CELF6: variants seen among roughly 807,000 people sequenced by gnomAD.
CELF6 encodes CUGBP Elav-like family member 6.
Under a neutral mutation model 53.1 loss-of-function variants are expected in CELF6, and 32 were observed. That is an observed-to-expected ratio of 0.60 (90% CI 0.46 to 0.81). The LOEUF is 0.81. Ranked by LOEUF, CELF6 falls within the 30% of genes least tolerant of loss-of-function variation. CELF6 has a pLI of 0.00. For missense variants in CELF6, 539 were observed against 669.5 expected, an observed-to-expected ratio of 0.81 and a Z score of 2.15; for synonymous variants, 291 against 288.8, an observed-to-expected ratio of 1.01 and a Z score of -0.08.
rs2087953848 is a variant in CELF6, at chr15:72,288,658, C to G, written c.1094-40G>C. On this transcript the variant is annotated intron_variant, in intron 9 of 12. Transcript: ENST00000287202. This position sits in a 1 kb window ranked among gnomAD's most constrained non-coding sequence, Gnocchi z 4.6. ...GGGAGTGGACAGTGATCCCCAGGAG[C>G]CCTTCCCCAAGCAGGGCCCCAACTG... 1.3e-6 allele frequency: 2 copies of G among 1,539,892 alleles called. No homozygotes were observed. Among genetic ancestry groups the G allele is most frequent in the East Asian group, 4.5e-5 (2 of 44,312 alleles).
At chr15:72,316,002 T>A in intron 1 of CELF6, 75 bp from the exon 2 acceptor site, 6 of 1,012,958 alleles carry the variant, frequency 5.9e-6, no homozygotes, top group Non-Finnish European at 8.9e-6. Context: ...CCCACTAAGT[T>A]GACAAACTTA....
chr15:72,296,415 T>C (rs992092291), intron 3 of CELF6, among the ~76,000 whole-genome samples: 1 of 152,116 alleles, frequency 6.6e-6, no homozygotes, highest in African/African-American at 2.4e-5. Context: ...AAGGATCTAT[T>C]GGAGGGCAAA....
chr15:72,304,837 T>G, intron 2 of CELF6, 43 bp from the exon 3 acceptor site: 1 of 1,604,514 alleles, frequency 6.2e-7, no homozygotes, highest in Non-Finnish European at 8.5e-7. Context: ...CGTGACTGCC[T>G]GGTCCTGGAG....
At chr15:72,310,633 G>A (rs2088283057) in intron 2 of CELF6, among the ~76,000 whole-genome samples, 2 of 151,202 alleles carry the variant, frequency 1.3e-5, no homozygotes, top group East Asian at 3.9e-4. Context: ...GGACTACAGG[G>A]GCACACCACC....
intron 3 of CELF6, among the ~76,000 whole-genome samples, chr15:72,304,004 G>A (rs1420653268): frequency 6.6e-6 from 1 of 151,936 alleles, no homozygotes. Context: ...CCGAGTAGCT[G>A]GGATTACAGG....
intron 2 of CELF6, among the ~76,000 whole-genome samples, chr15:72,310,467 C>A (rs2088280636): frequency 6.6e-6 from 1 of 152,040 alleles, no homozygotes; most frequent in Non-Finnish European, 1.5e-5. Flanking sequence ...ACTCAAGCAA[C>A]ACTGCACTAA....
At chr15:72,299,586 C>A (rs2088125642) in intron 3 of CELF6, among the ~76,000 whole-genome samples, 1 of 152,044 alleles carries the variant, frequency 6.6e-6, no homozygotes, top group Non-Finnish European at 1.5e-5. Flanking sequence ...GTCTTGAACT[C>A]CTGAGCTCAG....
chr15:72,312,031 A>C (rs918016200), intron 2 of CELF6, among the ~76,000 whole-genome samples: 2 of 152,190 alleles, frequency 1.3e-5, no homozygotes, highest in African/African-American at 4.8e-5. Context: ...ATGGCTTCCC[A>C]AAGAAAGGGA....
In CELF6 at chr15:72,289,327, GCC is replaced by G. The variant is rs1294701620; in HGVS notation, c.881-42_881-41del. ...GGTCTGAGAGTCAGGCCGCCACCCC[GCC>G]CCGCCCGGCCCCTCCCAGGCGCGCC... On this transcript the variant is annotated intron_variant, in intron 7 of 12. Transcript: ENST00000287202. The surrounding 1 kb of genome is among the most constrained non-coding windows in gnomAD (Gnocchi z 7.6). 6.6e-7 allele frequency: 1 copy of G among 1,525,138 alleles called. No homozygotes were observed. The highest frequency in any genetic ancestry group is 1.4e-5 in the African/African-American group (1 of 72,844). The allele number at this position is 1,525,138 out of a possible 1,614,324, so 94.5% of individuals were successfully genotyped here. A position where few individuals can be genotyped will look rare whatever the true frequency, so the allele number is the denominator to read the frequency against.
intron 2 of CELF6, among the ~76,000 whole-genome samples, chr15:72,307,286 G>A (rs1011795991): frequency 1.3e-5 from 2 of 152,046 alleles, no homozygotes; most frequent in Admixed American, 6.5e-5. Flanking sequence ...AGTGGGCATC[G>A]GGTGGTACAT....
chr15:72,294,550 G>C (rs2088049840), intron 3 of CELF6, among the ~76,000 whole-genome samples: 1 of 152,180 alleles, frequency 6.6e-6, no homozygotes, highest in Non-Finnish European at 1.5e-5. Context: ...CATCAGGAGG[G>C]ACTTAAATTC....
chr15:72,305,118 T>C (rs1328621533), intron 2 of CELF6, among the ~76,000 whole-genome samples: 1 of 152,192 alleles, frequency 6.6e-6, no homozygotes, highest in Admixed American at 6.5e-5. Context: ...TGGACTTACT[T>C]AAAGGCTTTG....
chr15:72,315,827 C>G lies in CELF6; in HGVS notation c.345+18G>C, dbSNP rs763650768. 15 of 1,565,468 alleles carry G rather than the reference C, an allele frequency of 9.6e-6. No homozygotes were observed. In the East Asian group the frequency reaches 3.0e-4, roughly 31 times the overall value. On this transcript the variant is annotated intron_variant, in intron 2 of 12. Transcript: ENST00000287202. ...CCCAGCCTGAGGTGATTCCCACCCC[C>G]CAACCTGGAGGACTTACCCCTGGCA...
chr15:72,311,412 T>C (rs546239002), intron 2 of CELF6, among the ~76,000 whole-genome samples: 67 of 151,268 alleles, frequency 4.4e-4, no homozygotes, highest in Admixed American at 4.4e-3. Flanking sequence ...TTTCTTTTTT[T>C]TTTTTTTTGA....
At position 72,289,344 on chromosome 15, in the gene CELF6, C is replaced by T. The variant is rs1253210324; in HGVS notation, c.880+31G>A. On this transcript the variant is annotated intron_variant, in intron 7 of 12. Transcript: ENST00000287202. This position sits in a 1 kb window ranked among gnomAD's most constrained non-coding sequence, Gnocchi z 7.6. ...GCCACCCCGCCCCGCCCGGCCCCTC[C>T]CAGGCGCGCCCCAGTCCCTGGGGGC... 1.9e-6 allele frequency: 3 copies of T among 1,540,558 alleles called. No individual in the cohort carries two copies. Among genetic ancestry groups the T allele is most frequent in the South Asian group, 1.2e-5 (1 of 84,556 alleles).
chr15:72,298,340 G>A (rs1595779180), intron 3 of CELF6, among the ~76,000 whole-genome samples: 2 of 152,282 alleles, frequency 1.3e-5, no homozygotes, highest in South Asian at 4.1e-4. Flanking sequence ...AATTACTTAC[G>A]CAATTATAGG....
At chr15:72,293,941 G>A (rs576950892) in intron 3 of CELF6, among the ~76,000 whole-genome samples, 161 of 51,594 alleles carry the variant, frequency 3.1e-3, no homozygotes, top group Non-Finnish European at 4.4e-3. Context: ...TGATCCGCCC[G>A]CCCAGGCCTC....
In CELF6 at chr15:72,320,145, C is replaced by T. The variant is rs948123525; in HGVS notation, c.-271G>A. 56 of 633,156 alleles carry T rather than the reference C, an allele frequency of 8.8e-5. No homozygotes were observed. The East Asian group carries it at 1.4e-3, about 16-fold the overall frequency. 39.2% of individuals were successfully genotyped at this position (633,156 alleles called of 1,614,324 possible). Reference sequence around the variant, plus strand: ...GTCCCCGTGCGGCTCTCTCTGGGCTCCCGCCCGAGCTCTCCCAGAGCCGAG... The same window carrying T: ...GTCCCCGTGCGGCTCTCTCTGGGCTTCCGCCCGAGCTCTCCCAGAGCCGAG... On this transcript the variant is annotated 5_prime_UTR_variant, in exon 1 of 13. Coordinates refer to ENST00000287202, the MANE Select transcript of CELF6 (RefSeq NM_052840.5).
Position 72,289,728 on chromosome 15 carries a change from G to C in CELF6, c.646C>G (p.Arg216Gly). 6.8e-7 allele frequency: 1 copy of C among 1,475,992 alleles called. No individual in the cohort carries two copies. The highest frequency in any genetic ancestry group is 1.3e-5 in the South Asian group (1 of 75,134). 91.4% of individuals were successfully genotyped at this position (1,475,992 alleles called of 1,614,324 possible). A position where few individuals can be genotyped will look rare whatever the true frequency, so the allele number is the denominator to read the frequency against. Residue 216 changes from arginine (R) to glycine (G), a missense_variant, in exon 6 of 13, where the codon CGG (arginine) becomes GGG (glycine). This residue lies in a region of CELF6 where 358 missense variants were observed against 412.8 expected (regional missense o/e 0.87). Transcript: ENST00000287202. The surrounding 1 kb of genome is among the most constrained non-coding windows in gnomAD (Gnocchi z 7.6). Reference protein sequence around the residue: ...SLVVKLADTDRERALRRMQQM... With the variant: ...SLVVKLADTDGERALRRMQQM... ...TGCATCCGCCGCAGCGCGCGCTCCC[G>C]GTCGGTGTCCGCCAGCTTGACCACG...
Sources: gnomAD v4.1 joint callset for allele counts (sites outside exome capture counted in the v4.1 genomes callset) on GRCh38, gnomAD v4.1.1 for gene constraint, gnomAD v4.1.1 regional missense constraint, Gnocchi (gnomAD v3.1) non-coding constraint, MANE v1.5 for transcripts, NCBI Gene and HGNC (gene_info 2026-07-23, HGNC 2026-07-21) for gene names.